Variants in CREB1 observed in about 807,000 individuals in gnomAD.
CREB1 encodes cyclic AMP-responsive element-binding protein 1.
A neutral mutation model predicts 42.0 loss-of-function variants in CREB1; 2 were observed. The observed-to-expected ratio is 0.05, with a 90% CI of 0.02 to 0.15. CREB1 has a LOEUF of 0.15. Among genes scored for constraint, CREB1 ranks in the 10% least tolerant of loss-of-function variants. The pLI is 1.00. For synonymous variants in CREB1, 123 were observed against 139.9 expected (o/e 0.88, Z 0.85); for missense variants, 199 against 388.9 (o/e 0.51, Z 4.11).
intron 1 of CREB1, among the ~76,000 whole-genome samples, chr2:207,541,706 A>G (rs2081106061): frequency 6.6e-6 from 1 of 152,200 alleles, no homozygotes; most frequent in Non-Finnish European, 1.5e-5. Context: ...TAATTCACAT[A>G]CTCTACAATA....
In CREB1 at chr2:207,597,348, A is replaced by G. The variant is rs2086343477; in HGVS notation, c.*290A>G. The G allele has an allele frequency of 9.4e-6, 3 of 318,210 alleles. No homozygotes were observed. Among genetic ancestry groups the G allele is most frequent in the Non-Finnish European group, 1.7e-5 (3 of 176,008 alleles). The allele number at this position is 318,210 out of a possible 1,614,324, so 19.7% of individuals were successfully genotyped here. A position where few individuals can be genotyped will look rare whatever the true frequency, so the allele number is the denominator to read the frequency against. ...AGAAGTAATAATTTGTTTACTTGTA[A>G]ATTGATGGGAGAAATGAGGAAAAGA... On this transcript the variant is annotated 3_prime_UTR_variant, in exon 8 of 8. Transcript: ENST00000353267.
At chr2:207,561,364 T>C (rs965564543) in intron 3 of CREB1, among the ~76,000 whole-genome samples, 4 of 152,184 alleles carry the variant, frequency 2.6e-5, no homozygotes, top group Non-Finnish European at 4.4e-5. Context: ...ATTTCTCCCC[T>C]CTTCCTAATG....
chr2:207,558,817 A>G (rs1268282734), intron 2 of CREB1, among the ~76,000 whole-genome samples: 1 of 151,682 alleles, frequency 6.6e-6, no homozygotes, highest in Non-Finnish European at 1.5e-5. Context: ...AATTTTTTGT[A>G]TTTTTAGTAG....
rs149117223 is a variant in CREB1 at position 207,585,066 on chromosome 2, C to T, written c.839+7411C>T. Among the ~76,000 whole-genome samples the T allele has an allele frequency of 2.0e-3, 300 of 152,064 alleles. 2 individuals are homozygous for T. Among genetic ancestry groups the T allele is most frequent in the African/African-American group, 6.7e-3 (276 of 41,494 alleles). The stretch of plus-strand genomic sequence containing the variant: ...GTGTCCACATACATCATCTAGGGTG[C>T]CTGAGGATTGGTTGGTCCTGCCCAC... On this transcript the variant is annotated intron_variant, in intron 7 of 7. Transcript: ENST00000353267.
chr2:207,565,037 TG>T (rs896192096), intron 3 of CREB1, among the ~76,000 whole-genome samples: 7 of 146,510 alleles, frequency 4.8e-5, no homozygotes, highest in Non-Finnish European at 7.7e-5. Context: ...GGGTCCAGTA[TG>T]TTTTTTTTTT....
intron 1 of CREB1, among the ~76,000 whole-genome samples, chr2:207,537,079 G>T (rs1370434313): frequency 6.6e-6 from 1 of 152,002 alleles, no homozygotes; most frequent in Non-Finnish European, 1.5e-5. Context: ...TTGTTGAGAC[G>T]GAGTCTTTCT....
intron 6 of CREB1, chr2:207,577,290 C>A (rs1351587451): frequency 9.7e-6 from 10 of 1,031,818 alleles, no homozygotes; most frequent in Non-Finnish European, 1.3e-5. Flanking sequence ...TAAGATCCAG[C>A]GGACATAGGT....
At position 207,601,168 on chromosome 2, in the gene CREB1, T is replaced by C. The variant is rs2086986707; in HGVS notation, c.*4110T>C. On this transcript the variant is annotated 3_prime_UTR_variant, in exon 8 of 8. Coordinates refer to ENST00000353267, the MANE Select transcript of CREB1 (RefSeq NM_004379.5). ...GTAGCCCTGAAAGCTGTTGGTATAT[T>C]TTTTCCCTCATGGACCCAATAGAAA... The C allele has an allele frequency of 5.4e-6, 1 of 185,634 alleles. No homozygotes were observed. The highest frequency in any genetic ancestry group is 2.3e-5 in the African/African-American group (1 of 42,678). 11.5% of individuals were successfully genotyped at this position (185,634 alleles called of 1,614,324 possible).
intron 3 of CREB1, among the ~76,000 whole-genome samples, chr2:207,564,154 A>G (rs1293369940): frequency 1.3e-5 from 2 of 152,180 alleles, no homozygotes; most frequent in Admixed American, 6.5e-5. Context: ...CTTATTTATA[A>G]GAGATACATG....
chr2:207,552,908 G>T (rs1476237201), intron 1 of CREB1, among the ~76,000 whole-genome samples: 1 of 151,838 alleles, frequency 6.6e-6, no homozygotes, highest in African/African-American at 2.4e-5. Flanking sequence ...GAGCCACCGC[G>T]CCCGGCTGTG....
chr2:207,557,925 A>G (rs1209000755), intron 2 of CREB1, among the ~76,000 whole-genome samples: 3 of 152,176 alleles, frequency 2.0e-5, no homozygotes, highest in African/African-American at 7.2e-5. Flanking sequence ...AATTGCTTCA[A>G]ATATTACAAG....
chr2:207,541,385 CTTTTATA>C (rs1180967917), intron 1 of CREB1, among the ~76,000 whole-genome samples: 1 of 152,082 alleles, frequency 6.6e-6, no homozygotes, highest in East Asian at 1.9e-4. Flanking sequence ...CATTTTTTAT[CTTTTATA>C]TTTTATATCT....
chr2:207,572,167 A>G (rs922144263), intron 5 of CREB1, among the ~76,000 whole-genome samples: 1 of 149,368 alleles, frequency 6.7e-6, no homozygotes, highest in Non-Finnish European at 1.5e-5. Context: ...CGGAGCTGGC[A>G]GTGAGCTGAG....
chr2:207,545,072 A>G (rs1016984378), intron 1 of CREB1, among the ~76,000 whole-genome samples: 2 of 152,180 alleles, frequency 1.3e-5, no homozygotes, highest in African/African-American at 2.4e-5. Context: ...TCCTTTGGGT[A>G]TATATCCAGT....
intron 7 of CREB1, among the ~76,000 whole-genome samples, chr2:207,596,310 GT>G (rs1192126034): frequency 6.6e-6 from 1 of 152,134 alleles, no homozygotes; most frequent in Admixed American, 6.5e-5. Flanking sequence ...TAGCTTTAAT[GT>G]TTTCTTAGTT....
At chr2:207,588,857 C>T (rs1244159608) in intron 7 of CREB1, among the ~76,000 whole-genome samples, 1 of 140,124 alleles carries the variant, frequency 7.1e-6, no homozygotes, top group Admixed American at 7.5e-5. Context: ...TATGACCATT[C>T]TAAATTTACT....
At chr2:207,574,977 C>T (rs1336393080) in intron 5 of CREB1, among the ~76,000 whole-genome samples, 1 of 152,130 alleles carries the variant, frequency 6.6e-6, no homozygotes, top group Admixed American at 6.6e-5. Context: ...CAGAGTGGAA[C>T]CTCTTCAGAA....
Position 207,603,627 on chromosome 2 carries a change from A to G in CREB1, c.*6569A>G, listed in dbSNP as rs557221467. ...TTTTCAGGACAAAACCTGTTTTTCA[A>G]TAAGATTGAACAGTGCCTATTTGTG... On this transcript the variant is annotated 3_prime_UTR_variant, in exon 8 of 8. Coordinates refer to ENST00000353267, the MANE Select transcript of CREB1 (RefSeq NM_004379.5). Among the ~76,000 whole-genome samples, 63 of 152,342 alleles carry G rather than the reference A, an allele frequency of 4.1e-4. No individual in the cohort carries two copies. Among genetic ancestry groups the G allele is most frequent in the Non-Finnish European group, 6.5e-4 (44 of 68,018 alleles).
rs1045987116 is a variant in CREB1, at chr2:207,598,863, T to G, written c.*1805T>G. ...AAAAAATAAAAATAAAAAAAATGTC[T>G]CATTTGGGAAGGAAATTCCTTTTAA... On this transcript the variant is annotated 3_prime_UTR_variant, in exon 8 of 8. Coordinates refer to ENST00000353267, the MANE Select transcript of CREB1 (RefSeq NM_004379.5). The G allele has an allele frequency of 5.7e-6, 1 of 175,320 alleles. No individual in the cohort carries two copies. Among genetic ancestry groups the G allele is most frequent in the African/African-American group, 2.4e-5 (1 of 42,104 alleles). 10.9% of individuals were successfully genotyped at this position (175,320 alleles called of 1,614,324 possible).
Sources: gnomAD v4.1 joint callset for allele counts (sites outside exome capture counted in the v4.1 genomes callset) on GRCh38, gnomAD v4.1.1 for gene constraint, MANE v1.5 for transcripts, NCBI Gene and HGNC (gene_info 2026-07-23, HGNC 2026-07-21) for gene names.